The following FBP1 variants were observed in gnomAD, a reference collection of about 807,000 sequenced individuals.
The protein encoded by FBP1 is fructose-1,6-bisphosphatase 1.
Under a neutral mutation model 29.9 loss-of-function variants are expected in FBP1, and 22 were observed. The observed-to-expected ratio is 0.74, with a 90% confidence interval of 0.53 to 1.05. The LOEUF is 1.05. Among genes scored for constraint, FBP1 ranks in the 50% least tolerant of loss-of-function variants. FBP1 has a pLI of 0.00. For synonymous variants in FBP1, 175 were observed against 178.6 expected, an observed-to-expected ratio of 0.98 and a Z score of 0.16; for missense variants, 345 against 448.2, an observed-to-expected ratio of 0.77 and a Z score of 2.08.
intron 1 of FBP1, among the ~76,000 whole-genome samples, chr9:94,625,834 C>T (rs1297334548): frequency 1.3e-5 from 2 of 151,794 alleles, no homozygotes; most frequent in African/African-American, 2.4e-5. Context: ...CACCAAACCA[C>T]GCAGGACCCT....
At chr9:94,616,917 C>CCT (rs57093330) in intron 3 of FBP1, among the ~76,000 whole-genome samples, 54,391 of 149,074 alleles carry the variant, frequency 0.36, 10,064 homozygotes, top group East Asian at 0.55. Flanking sequence ...TCCTCTCTCT[C>CCT]CTCTCTCTCT....
At chr9:94,636,467 G>A (rs544075262) in intron 1 of FBP1, among the ~76,000 whole-genome samples, 72 of 151,950 alleles carry the variant, frequency 4.7e-4, no homozygotes, top group Non-Finnish European at 9.0e-4. Context: ...AACAGAGTGC[G>A]ACTCTATCTC....
Position 94,617,782 on chromosome 9 carries a change from CA to C in FBP1, c.411del (p.Phe137LeufsTer65). The C allele has an allele frequency of 3.7e-6, 6 of 1,612,176 alleles. No individual in the cohort carries two copies. Among genetic ancestry groups the C allele is most frequent in the South Asian group, 1.1e-5 (1 of 91,028 alleles). ...TCACGTTTTACCTTTCTATAGATGCCAAAAATGGTTCCAACGGACACAAGGC... is the reference window on the plus strand; with the variant it reads ...TCACGTTTTACCTTTCTATAGATGCCAAAATGGTTCCAACGGACACAAGGC... ...IDCLVSVGTI[F>X]GIYRKKSTDE... On this transcript the variant is annotated frameshift_variant, in exon 3 of 7. Transcript: ENST00000375326. LOFTEE classifies it high-confidence loss of function.
rs1297127955 is a variant in FBP1, at chr9:94,632,504, C to CT, written c.170+6636dup. Among the ~76,000 whole-genome samples the CT allele has an allele frequency of 2.6e-5, 4 of 152,146 alleles. No individual in the cohort carries two copies. The East Asian group carries it at 7.7e-4, about 29-fold the overall frequency. On this transcript the variant is annotated intron_variant, in intron 1 of 6. Coordinates refer to ENST00000375326, the MANE Select transcript of FBP1 (RefSeq NM_000507.4). The stretch of plus-strand genomic sequence containing the variant: ...CCAACATAGTGAAACCCCGTCTCTA[C>CT]TAAAAATACAAAAATTAGTTGAGTG...
chr9:94,603,301 G>T lies in FBP1; in HGVS notation c.*80C>A. ...TTTCTGCTCTCTAGGAATGTAAGGT[G>T]CACAGCAGGTCAGGGTACTGCTGTG... On this transcript the variant is annotated 3_prime_UTR_variant, in exon 7 of 7. Transcript: ENST00000375326. 1 of 1,086,834 alleles carries T rather than the reference G, an allele frequency of 9.2e-7. No individual in the cohort carries two copies. Among genetic ancestry groups the T allele is most frequent in the Non-Finnish European group, 1.4e-6 (1 of 717,634 alleles). The allele number at this position is 1,086,834 out of a possible 1,614,324, so 67.3% of individuals were successfully genotyped here. A position where few individuals can be genotyped will look rare whatever the true frequency, so the allele number is the denominator to read the frequency against.
At chr9:94,623,007 G>A (rs969223506) in intron 1 of FBP1, among the ~76,000 whole-genome samples, 2 of 119,460 alleles carry the variant, frequency 1.7e-5, no homozygotes, top group African/African-American at 6.3e-5. Context: ...TATTTTTGGA[G>A]ACAGTGTCAC....
Position 94,603,243 on chromosome 9 carries a change from A to G in FBP1, c.*138T>C. The G allele has an allele frequency of 1.3e-6, 1 of 762,908 alleles. No homozygotes were observed. The highest frequency in any genetic ancestry group is 1.5e-5 in the South Asian group (1 of 66,830). The allele number at this position is 762,908 out of a possible 1,614,324, so 47.3% of individuals were successfully genotyped here. On this transcript the variant is annotated 3_prime_UTR_variant, in exon 7 of 7. Transcript: ENST00000375326. ...GGTTAGGGAGTGCCAAGCATTCTAC[A>G]GCATTTGATGGTGGAAATAGTCATG...
At chr9:94,619,578 A>C (rs1827912489) in intron 2 of FBP1, among the ~76,000 whole-genome samples, 1 of 152,156 alleles carries the variant, frequency 6.6e-6, no homozygotes, top group Non-Finnish European at 1.5e-5. Flanking sequence ...TCTGCTCTCA[A>C]AAAGCAGAGA....
intron 1 of FBP1, among the ~76,000 whole-genome samples, chr9:94,635,687 C>T (rs1339072555): frequency 1.3e-5 from 2 of 152,190 alleles, no homozygotes; most frequent in Non-Finnish European, 2.9e-5. Context: ...ACAAGATCAC[C>T]TCAGTGTCCA....
intron 3 of FBP1, among the ~76,000 whole-genome samples, chr9:94,615,230 G>T (rs1827846082): frequency 6.6e-6 from 1 of 152,032 alleles, no homozygotes; most frequent in Non-Finnish European, 1.5e-5. Flanking sequence ...TTTTAAAAAA[G>T]TCACTTCTGG....
At chr9:94,638,830 G>T (rs963849141) in intron 1 of FBP1, among the ~76,000 whole-genome samples, 1 of 152,172 alleles carries the variant, frequency 6.6e-6, no homozygotes, top group Non-Finnish European at 1.5e-5. Context: ...ACACTTGGCC[G>T]GCTGAGAGGG....
At chr9:94,608,955 C>T (rs970761907) in intron 4 of FBP1, among the ~76,000 whole-genome samples, 4 of 152,148 alleles carry the variant, frequency 2.6e-5, no homozygotes, top group Admixed American at 2.0e-4. Flanking sequence ...AATCCCAGCA[C>T]TTTGGGAGGC....
chr9:94,606,875 G>C lies in FBP1; in HGVS notation c.645C>G (p.Gly215=). 9 of 1,613,940 alleles carry C rather than the reference G, an allele frequency of 5.6e-6. No homozygotes were observed. Among genetic ancestry groups the C allele is most frequent in the Non-Finnish European group, 7.6e-6 (9 of 1,179,822 alleles). The change falls in exon 5 of 7, where the codon GGC becomes GGG. Residue 215 remains glycine (G), a synonymous_variant. Coordinates refer to ENST00000375326, the MANE Select transcript of FBP1 (RefSeq NM_000507.4). ...KKGKIYSLNE[G]YARDFDPAVT... ...CGGCAGGGTCAAAGTCCCTGGCGTAGCCCTCGTTAAGGCTGTAGATTTTAC... is the reference window on the plus strand; with the variant it reads ...CGGCAGGGTCAAAGTCCCTGGCGTACCCCTCGTTAAGGCTGTAGATTTTAC...
At chr9:94,628,440 C>T (rs1563987472) in intron 1 of FBP1, among the ~76,000 whole-genome samples, 1 of 151,908 alleles carries the variant, frequency 6.6e-6, no homozygotes, top group Non-Finnish European at 1.5e-5. Context: ...GTTTTCTCCA[C>T]CTTTTCTGTA....
chr9:94,638,633 G>GC (rs1828231964), intron 1 of FBP1, among the ~76,000 whole-genome samples: 1 of 43,878 alleles, frequency 2.3e-5, no homozygotes, highest in Non-Finnish European at 5.0e-5. Flanking sequence ...TGCGGGGGGG[G>GC]CGGGGGGGAC....
At chr9:94,616,989 G>A (rs941059510) in intron 3 of FBP1, among the ~76,000 whole-genome samples, 14 of 151,940 alleles carry the variant, frequency 9.2e-5, no homozygotes, top group South Asian at 2.1e-4. Context: ...GTGACTGCCC[G>A]AGTCAGGTGT....
intron 3 of FBP1, among the ~76,000 whole-genome samples, chr9:94,610,965 A>G (rs1028089161): frequency 1.3e-5 from 2 of 151,100 alleles, no homozygotes; most frequent in African/African-American, 4.9e-5. Context: ...GCGGGTTCAC[A>G]CCATTCTCCT....
chr9:94,620,273 A>C, intron 2 of FBP1, 56 bp downstream of exon 2: 1 of 1,583,112 alleles, frequency 6.3e-7, no homozygotes. Flanking sequence ...TCAATTATGA[A>C]GCTGGGAAGA....
Position 94,609,957 on chromosome 9 carries a change from G to A in FBP1, c.531C>T (p.Ala177=). The A allele has an allele frequency of 1.9e-6, 3 of 1,614,204 alleles. No individual in the cohort carries two copies. Among genetic ancestry groups the A allele is most frequent in the Non-Finnish European group, 1.7e-6 (2 of 1,180,032 alleles). ...LYGSATMLVL[A]MDCGVNCFML... ...TGAAGCAGTTGACCCCACAGTCCAT[G>A]GCAAGGACCAGCATGGTGGCACTGC... Residue 177 remains alanine (A), a synonymous_variant, in exon 4 of 7, where the codon GCC becomes GCT. Transcript: ENST00000375326.
Sources: allele counts gnomAD v4.1 joint callset (sites outside exome capture counted in the v4.1 genomes callset), GRCh38; gene constraint gnomAD v4.1.1; transcripts MANE v1.5; gene names NCBI Gene and HGNC (gene_info 2026-07-23, HGNC 2026-07-21).